The following KANK4 variants were observed in gnomAD, a reference collection of about 807,000 sequenced individuals.
The protein encoded by KANK4 is KN motif and ankyrin repeat domains 4, also known as KN motif and ankyrin repeat domain-containing protein 4.
KANK4 carries 50 observed loss-of-function variants against 80.8 expected under a neutral mutation model. The ratio of observed to expected loss-of-function variants is 0.62; its 90% CI spans 0.49 to 0.78. The LOEUF (loss-of-function observed/expected upper bound fraction) is 0.78, where lower values mean the gene tolerates loss of function less well. Among genes scored for constraint, KANK4 ranks in the 30% least tolerant of loss-of-function variants. The pLI is 0.00. For missense variants in KANK4, 1,196 were observed against 1,240.1 expected, an observed-to-expected ratio of 0.96 and a Z score of 0.53; for synonymous variants, 465 against 506.9, an observed-to-expected ratio of 0.92 and a Z score of 1.11.
intron 1 of KANK4, among the ~76,000 whole-genome samples, chr1:62,284,951 G>C (rs1672530812): frequency 6.6e-6 from 1 of 152,064 alleles, no homozygotes; most frequent in Admixed American, 6.5e-5. Flanking sequence ...CAAAATAAAA[G>C]GAACAAAATT....
chr1:62,304,073 G>C (rs777753349), intron 1 of KANK4, among the ~76,000 whole-genome samples: 2 of 151,742 alleles, frequency 1.3e-5, no homozygotes, highest in African/African-American at 2.4e-5. Flanking sequence ...CAGGGTTTCC[G>C]CATGTTGGCC....
At chr1:62,317,228 T>C (rs1177706527) in intron 1 of KANK4, among the ~76,000 whole-genome samples, 2 of 152,210 alleles carry the variant, frequency 1.3e-5, no homozygotes, top group East Asian at 3.9e-4. Context: ...AGCAAGTTCT[T>C]TCTAGTTTTA....
At chr1:62,246,213 T>C (rs1671462373) in intron 9 of KANK4, among the ~76,000 whole-genome samples, 2 of 152,298 alleles carry the variant, frequency 1.3e-5, no homozygotes, top group Admixed American at 1.3e-4. Context: ...ACTATTGTCA[T>C]CATCATCATT....
chr1:62,247,982 G>C (rs979564727), intron 8 of KANK4, among the ~76,000 whole-genome samples: 2 of 152,034 alleles, frequency 1.3e-5, no homozygotes, highest in Non-Finnish European at 2.9e-5. Flanking sequence ...TGACGGCAGG[G>C]ACTAAGTGTT....
At chr1:62,305,369 C>T (rs143137261) in intron 1 of KANK4, among the ~76,000 whole-genome samples, 1,858 of 152,170 alleles carry the variant, frequency 0.012, 31 homozygotes, top group African/African-American at 0.042. Flanking sequence ...AGTGAAATGG[C>T]GTGATCTCGG....
At chr1:62,257,811 G>A (rs2149128236) in intron 7 of KANK4, among the ~76,000 whole-genome samples, 1 of 152,262 alleles carries the variant, frequency 6.6e-6, no homozygotes, top group East Asian at 1.9e-4. Flanking sequence ...AAAGGGAAAA[G>A]TTCCCAAACC....
At chr1:62,249,185 CAA>C (rs1671547893) in intron 8 of KANK4, among the ~76,000 whole-genome samples, 1 of 134,522 alleles carries the variant, frequency 7.4e-6, no homozygotes, top group Admixed American at 7.6e-5. Context: ...ATTAATATAA[CAA>C]TGATTTGTCC....
intron 1 of KANK4, among the ~76,000 whole-genome samples, chr1:62,309,804 T>C (rs75997307): frequency 6.6e-6 from 1 of 152,260 alleles, no homozygotes; most frequent in East Asian, 1.9e-4. Context: ...GTAACACATC[T>C]ACATTTTAAC....
rs755176126 is a variant in KANK4 at position 62,274,772 on chromosome 1, G to T, written c.332C>A (p.Pro111Gln). 5 of 1,613,972 alleles carry T rather than the reference G, an allele frequency of 3.1e-6. No homozygotes were observed. The Admixed American group carries it at 6.7e-5, about 22-fold the overall frequency. Residue 111 changes from proline (P) to glutamine (Q), a missense_variant, in exon 3 of 10, where the codon CCG (proline) becomes CAG (glutamine). By Grantham distance (76) the Pro-to-Gln change is moderately conservative (BLOSUM62 -1). This residue lies in a region of KANK4 where 1,154 missense variants were observed against 1,179.6 expected (regional missense o/e 0.98). Coordinates refer to ENST00000371153, the MANE Select transcript of KANK4 (RefSeq NM_181712.5). The stretch of plus-strand genomic sequence containing the variant: ...TGAGGCCTGGGGGGCATTACCAAGC[G>T]GTGGTGACTGGTTTTGCTCCTGTGT... ...LGTQEQNQSP[P>Q]LGNAPQASTS...
chr1:62,261,465 A>G (rs190752754), intron 7 of KANK4, among the ~76,000 whole-genome samples: 91 of 151,884 alleles, frequency 6.0e-4, no homozygotes, highest in African/African-American at 2.0e-3. Context: ...TGACCTCCCA[A>G]TGGCTTTTTG....
At chr1:62,284,805 T>C (rs1215459831) in intron 1 of KANK4, among the ~76,000 whole-genome samples, 1 of 152,234 alleles carries the variant, frequency 6.6e-6, no homozygotes, top group South Asian at 2.1e-4. Context: ...CATAGCTTGC[T>C]TTCTCTCTAG....
At chr1:62,257,460 C>T (rs762550194) in intron 7 of KANK4, among the ~76,000 whole-genome samples, 1 of 152,180 alleles carries the variant, frequency 6.6e-6, no homozygotes, top group Non-Finnish European at 1.5e-5. Context: ...CTGGAGGTGA[C>T]AGAGGAGCAA....
At chr1:62,280,267 G>C (rs1189538144) in intron 2 of KANK4, among the ~76,000 whole-genome samples, 1 of 152,190 alleles carries the variant, frequency 6.6e-6, no homozygotes, top group South Asian at 2.1e-4. Context: ...GTTCTGGGAG[G>C]CCCATGGCTG....
chr1:62,274,703 G>A lies in KANK4; in HGVS notation c.401C>T (p.Ala134Val), dbSNP rs1037927239. The A allele has an allele frequency of 2.5e-6, 4 of 1,614,234 alleles. No individual in the cohort carries two copies. In the Admixed American group the frequency reaches 5.0e-5, roughly 20 times the overall value. Residue 134 changes from alanine to valine, a missense_variant, in exon 3 of 10, where the codon GCA becomes GTA. Ala to Val is a moderately conservative substitution (Grantham distance 64, BLOSUM62 0). This residue lies in a region of KANK4 where 1,154 missense variants were observed against 1,179.6 expected (regional missense o/e 0.98). Coordinates refer to ENST00000371153, the MANE Select transcript of KANK4 (RefSeq NM_181712.5). ...AGCTTCCAACTGTCTGGTGGCCTCT[G>A]CCAACAGAGCCTTCCTGTGGTAGCT... Reference protein sequence around the residue: ...EVSYHRKALLAEATRQLEAAE... With the variant: ...EVSYHRKALLVEATRQLEAAE...
chr1:62,250,148 C>T (rs897196196), intron 8 of KANK4, among the ~76,000 whole-genome samples: 1 of 151,546 alleles, frequency 6.6e-6, no homozygotes, highest in Non-Finnish European at 1.5e-5. Flanking sequence ...TCACCACACC[C>T]GGCTATTTTT....
At chr1:62,260,756 G>A (rs1671865940) in intron 7 of KANK4, among the ~76,000 whole-genome samples, 2 of 152,208 alleles carry the variant, frequency 1.3e-5, no homozygotes, top group African/African-American at 2.4e-5. Context: ...TGTTTTTCAT[G>A]GGCTGTTCTT....
chr1:62,316,536 G>A (rs1571062376), intron 1 of KANK4, among the ~76,000 whole-genome samples: 1 of 152,204 alleles, frequency 6.6e-6, no homozygotes, highest in Admixed American at 6.5e-5. Context: ...GGCAGTCATC[G>A]CACCTCACTG....
intron 8 of KANK4, among the ~76,000 whole-genome samples, chr1:62,251,181 C>T (rs72681429): frequency 0.015 from 2,326 of 152,278 alleles, 18 homozygotes; most frequent in African/African-American, 0.022. Flanking sequence ...TGTCCTGCAA[C>T]GCAGCCCACT....
At chr1:62,267,767 A>C (rs909467378) in intron 5 of KANK4, among the ~76,000 whole-genome samples, 1 of 146,178 alleles carries the variant, frequency 6.8e-6, no homozygotes, top group Non-Finnish European at 1.5e-5. Context: ...GTGCCACTTC[A>C]CTCCAGCCCG....
Sources: allele counts gnomAD v4.1 joint callset (sites outside exome capture counted in the v4.1 genomes callset), GRCh38; gene constraint gnomAD v4.1.1; regional missense constraint gnomAD v4.1.1; transcripts MANE v1.5; gene names NCBI Gene and HGNC (gene_info 2026-07-23, HGNC 2026-07-21).